DEPDC4: variants seen among roughly 807,000 people sequenced by gnomAD.
DEPDC4 encodes the protein DEP domain containing 4.
A neutral mutation model predicts 52.0 loss-of-function variants in DEPDC4; 52 were observed. The ratio of observed to expected loss-of-function variants is 1.00; its 90% confidence interval spans 0.80 to 1.26. The LOEUF is 1.26. Among genes scored for constraint, DEPDC4 ranks in the 50% most tolerant of loss-of-function variants. DEPDC4 has a pLI of 0.00. For synonymous variants in DEPDC4, 201 were observed against 196.8 expected (o/e 1.02, Z -0.18); for missense variants, 530 against 546.9 (o/e 0.97, Z 0.31).
chr12:100,281,019 G>GTTTTGTTTGT, the DEPDC4 span, among the ~76,000 whole-genome samples: 1 of 50,466 alleles, frequency 2.0e-5, no homozygotes, highest in African/African-American at 6.9e-5. Flanking sequence ...TACCATCAGT[G>GTTTTGTTTGT]TTTTTTTTTT....
intron 1 of DEPDC4, among the ~76,000 whole-genome samples, 181 bp from the exon 2 acceptor site, chr12:100,264,074 C>T (rs1275604442): frequency 6.6e-6 from 1 of 152,048 alleles, no homozygotes; most frequent in East Asian, 1.9e-4. Context: ...TGTGGGTCTG[C>T]CAATAAAAAC....
rs577074704 is a variant in DEPDC4, at chr12:100,252,345, GA to G, written c.1249-45del. ...ACATTAGCATAAATGGTTTTTAGAG[GA>G]AAAAAATAGCAAAAAAAAATGGCAA... On this transcript the variant is annotated intron_variant, in intron 6 of 9. Transcript: ENST00000550587. 3.6e-4 allele frequency: 532 copies of G among 1,492,936 alleles called. 3 individuals are homozygous for G. The African/African-American group carries it at 8.0e-3, about 22-fold the overall frequency. The allele number at this position is 1,492,936 out of a possible 1,614,324, so 92.5% of individuals were successfully genotyped here. A position where few individuals can be genotyped will look rare whatever the true frequency, so the allele number is the denominator to read the frequency against.
At chr12:100,235,068 T>TAC (rs61552203), downstream of DEPDC4, among the ~76,000 whole-genome samples, 3 of 151,270 alleles carry the variant, frequency 2.0e-5, no homozygotes, top group Non-Finnish European at 4.4e-5. Context: ...TGTGTGTGTA[T>TAC]ATATATATAT....
At chr12:100,239,380 ATTT>A (rs896510850), downstream of DEPDC4, among the ~76,000 whole-genome samples, 1 of 142,282 alleles carries the variant, frequency 7.0e-6, no homozygotes, top group Admixed American at 7.1e-5. Flanking sequence ...CTGGCCAATA[ATTT>A]TTTTTTTTTT....
intron 4 of DEPDC4, among the ~76,000 whole-genome samples, chr12:100,255,664 C>T (rs1363944952): frequency 1.3e-5 from 2 of 152,146 alleles, no homozygotes; most frequent in Admixed American, 6.5e-5. Context: ...GCTTATCTTT[C>T]AGACTATAAT....
chr12:100,252,345 G>T, intron 6 of DEPDC4, 44 bp from the exon 7 acceptor site: 2 of 1,492,948 alleles, frequency 1.3e-6, no homozygotes, highest in South Asian at 1.2e-5. Flanking sequence ...GTTTTTAGAG[G>T]AAAAAAATAG....
In DEPDC4 at chr12:100,267,010, G is replaced by C. The variant is rs772419597; in HGVS notation, c.67C>G (p.Leu23Val). Residue 23 changes from leucine (L) to valine (V), a missense_variant, in exon 1 of 10, where the codon CTT becomes GTT. Physicochemically the swap from Leu to Val is conservative, Grantham distance 32. Transcript: ENST00000550587. The stretch of plus-strand genomic sequence containing the variant: ...CCCGGAAGCTCGTTCTGACTGACAA[G>C]TCTACGGAACCTCGGAGTCAAAAGA... The part of the protein sequence containing the change: ...AVLLTPRFRR[L>V]VSQNELPGPG... 9.3e-6 allele frequency: 15 copies of C among 1,614,110 alleles called. No homozygotes were observed. The highest frequency in any genetic ancestry group is 1.3e-5 in the Non-Finnish European group (15 of 1,179,990).
upstream of DEPDC4, chr12:100,267,445 T>C: frequency 5.7e-6 from 1 of 175,598 alleles, no homozygotes; most frequent in Non-Finnish European, 1.2e-5. Context: ...CCGGCGGCTC[T>C]CTCGCCTGGG....
chr12:100,236,570 T>C (rs1200802779), downstream of DEPDC4, among the ~76,000 whole-genome samples: 1 of 152,196 alleles, frequency 6.6e-6, no homozygotes, highest in African/African-American at 2.4e-5. Context: ...TTGAGTTCCT[T>C]GTAGATTCTG....
chr12:100,276,806 T>C, the DEPDC4 span, among the ~76,000 whole-genome samples: 1 of 152,082 alleles, frequency 6.6e-6, no homozygotes, highest in Non-Finnish European at 1.5e-5. Context: ...CTTATTTTAA[T>C]TTTCTCTTTT....
At chr12:100,243,311 C>G (rs2096168089) in intron 8 of DEPDC4, among the ~76,000 whole-genome samples, 1 of 152,110 alleles carries the variant, frequency 6.6e-6, no homozygotes. Context: ...TTATGTGGTG[C>G]TCAGAATTAT....
chr12:100,280,483 T>C, the DEPDC4 span, among the ~76,000 whole-genome samples: 1 of 152,170 alleles, frequency 6.6e-6, no homozygotes, highest in Non-Finnish European at 1.5e-5. Context: ...TGAAAAGTCT[T>C]CATGTAACCC....
chr12:100,251,115 T>A (rs532965261), intron 7 of DEPDC4, among the ~76,000 whole-genome samples: 55 of 152,244 alleles, frequency 3.6e-4, no homozygotes, highest in East Asian at 2.1e-3. Flanking sequence ...AAAATTTTTT[T>A]AAAAATAAAA....
chr12:100,258,038 C>T (rs188880746), intron 3 of DEPDC4, among the ~76,000 whole-genome samples: 2 of 151,958 alleles, frequency 1.3e-5, no homozygotes, highest in African/African-American at 2.4e-5. Context: ...CTTGCTCTGT[C>T]ATCCAGGCTG....
chr12:100,263,708 T>C lies in DEPDC4; in HGVS notation c.343A>G (p.Ile115Val). ...AGATGAACCCCTTTAAGACAAGAGA[T>C]GTCATTGCTACTTAGGCACGTGTTT... is the stretch of plus-strand genomic sequence containing the variant. ...MQNTCLSSNDISCLKGVHLCQ... is the reference protein window; with the variant it reads ...MQNTCLSSNDVSCLKGVHLCQ... The change falls in exon 2 of 10, where the codon ATC becomes GTC. Residue 115 changes from isoleucine (I) to valine (V), a missense_variant. Ile to Val is a conservative substitution (Grantham distance 29). Coordinates refer to ENST00000550587, the MANE Select transcript of DEPDC4 (RefSeq NM_001364818.2). The C allele has an allele frequency of 6.2e-7, 1 of 1,614,180 alleles. No individual in the cohort carries two copies. Among genetic ancestry groups the C allele is most frequent in the East Asian group, 2.2e-5 (1 of 44,864 alleles).
chr12:100,262,168 T>C (rs1476852214), intron 3 of DEPDC4, 96 bp downstream of exon 3: 13 of 1,247,386 alleles, frequency 1.0e-5, no homozygotes, highest in African/African-American at 1.5e-5. Context: ...CTTTCTGCTC[T>C]ATTTTGCCGT....
the DEPDC4 span, among the ~76,000 whole-genome samples, chr12:100,276,805 A>G: frequency 6.6e-6 from 1 of 151,404 alleles, no homozygotes; most frequent in Non-Finnish European, 1.5e-5. Context: ...ACTTATTTTA[A>G]TTTTCTCTTT....
upstream of DEPDC4, chr12:100,267,140 A>C (rs2096278025): frequency 2.6e-6 from 4 of 1,556,370 alleles, no homozygotes; most frequent in East Asian, 9.1e-5. Context: ...CCGAACCGGC[A>C]GGAAGTGACG....
intron 1 of DEPDC4, 89 bp downstream of exon 1, chr12:100,266,831 A>G: frequency 1.3e-6 from 2 of 1,489,320 alleles, no homozygotes; most frequent in East Asian, 2.3e-5. Context: ...GGGGCCCTGG[A>G]CCAATGAGGA....
Sources: allele counts gnomAD v4.1 joint callset (sites outside exome capture counted in the v4.1 genomes callset), GRCh38; gene constraint gnomAD v4.1.1; transcripts MANE v1.5; gene names NCBI Gene and HGNC (gene_info 2026-07-23, HGNC 2026-07-21).